The following ASS1 variants were observed in gnomAD, a reference collection of about 807,000 sequenced individuals.
ASS1 encodes argininosuccinate synthase.
A neutral mutation model predicts 60.5 loss-of-function variants in ASS1; 58 were observed. The observed-to-expected ratio is 0.96, with a 90% CI of 0.78 to 1.19. The LOEUF (loss-of-function observed/expected upper bound fraction) is 1.19. Among genes scored for constraint, ASS1 ranks in the 50% most tolerant of loss-of-function variants. The pLI is 0.00. For missense variants in ASS1, 454 were observed against 547.3 expected, an observed-to-expected ratio of 0.83 and a Z score of 1.70; for synonymous variants, 200 against 206.9, an observed-to-expected ratio of 0.97 and a Z score of 0.29.
chr9:130,471,612 T>C, intron 8 of ASS1, 97 bp downstream of exon 8: 2 of 1,467,240 alleles, frequency 1.4e-6, no homozygotes, highest in Non-Finnish European at 1.9e-6. Flanking sequence ...TAATTTGAAA[T>C]TTCACGGGGG....
At chr9:130,445,229 CGCGAGTCCCCGGGGG>C in intron 1 of ASS1, 1 of 21,576 alleles carries the variant, frequency 4.6e-5, no homozygotes, top group Non-Finnish European at 5.9e-5. Flanking sequence ...GCGGCGGGGG[CGCGAGTCCCCGGGGG>C]CGCGAGTCCC....
Position 130,489,002 on chromosome 9 carries a change from C to T in ASS1, c.839-331C>T, listed in dbSNP as rs1448549030. Among the ~76,000 whole-genome samples the T allele has an allele frequency of 6.6e-6, 1 of 152,194 alleles. No homozygotes were observed. The highest frequency in any genetic ancestry group is 1.5e-5 in the Non-Finnish European group (1 of 68,034). ...GGCTCTACCGTAGTCGCTTTAATTA[C>T]AGGCTTTCAACCTCGGGCCGGTGGG... is the stretch of plus-strand genomic sequence containing the variant. On this transcript the variant is annotated intron_variant, in intron 11 of 14. Transcript: ENST00000352480. This position sits in a 1 kb window ranked among gnomAD's most constrained non-coding sequence, Gnocchi z 4.1.
rs767417181 is a variant in ASS1 at position 130,480,380 on chromosome 9, C to T, written c.774-5C>T. 2 of 1,614,224 alleles carry T rather than the reference C, an allele frequency of 1.2e-6. No homozygotes were observed. Among genetic ancestry groups the T allele is most frequent in the South Asian group, 1.1e-5 (1 of 91,090 alleles). On this transcript the variant is annotated splice_region_variant and splice_polypyrimidine_tract_variant and intron_variant, in intron 10 of 14. Coordinates refer to ENST00000352480, the MANE Select transcript of ASS1 (RefSeq NM_054012.4). ...CCGAACCTAATGGACCAGTTCTTCC[C>T]ACAGGGGCAAGCATGGCGTGGGCCG... is the stretch of plus-strand genomic sequence containing the variant.
intron 5 of ASS1, chr9:130,466,524 G>A (rs1486970311): frequency 1.9e-5 from 12 of 632,324 alleles, no homozygotes; most frequent in Admixed American, 4.8e-5. Flanking sequence ...TGCAGGCTCC[G>A]TCCAGCCAGC....
At chr9:130,444,769 G>A (rs912709075), upstream of ASS1, among the ~76,000 whole-genome samples, 23 of 151,920 alleles carry the variant, frequency 1.5e-4, no homozygotes, top group African/African-American at 5.3e-4. This position sits in a 1 kb window ranked among gnomAD's most constrained non-coding sequence, Gnocchi z 4.7. Flanking sequence ...GTGGGAGGCG[G>A]GGGGAGGTGG....
chr9:130,465,056 A>ATATATATATATATTTTTTTTTTTTTT (rs1479147331), intron 5 of ASS1, among the ~76,000 whole-genome samples: 3 of 120,146 alleles, frequency 2.5e-5, no homozygotes, highest in African/African-American at 1.1e-4. Flanking sequence ...ATATATATAT[A>ATATATATATATATTTTTTTTTTTTTT]TTTTTTTTTT....
intron 11 of ASS1, among the ~76,000 whole-genome samples, chr9:130,484,760 C>G (rs1161046676): frequency 6.6e-6 from 1 of 151,682 alleles, no homozygotes; most frequent in Non-Finnish European, 1.5e-5. Flanking sequence ...TCATCTGTAC[C>G]CCCTACCCCT....
intron 8 of ASS1, among the ~76,000 whole-genome samples, chr9:130,473,246 C>T (rs1020845949): frequency 3.3e-5 from 5 of 152,198 alleles, no homozygotes; most frequent in Non-Finnish European, 7.3e-5. Context: ...GCCTCCAGTA[C>T]TCCTTGCCCA....
Position 130,459,883 on chromosome 9 carries a change from T to A in ASS1, c.363+1294T>A, listed in dbSNP as rs1017740578. Among the ~76,000 whole-genome samples the A allele has an allele frequency of 4.3e-4, 66 of 152,292 alleles. No individual in the cohort carries two copies. Among genetic ancestry groups the A allele is most frequent in the African/African-American group, 1.6e-3 (65 of 41,558 alleles). On this transcript the variant is annotated intron_variant, in intron 4 of 14. Coordinates refer to ENST00000352480, the MANE Select transcript of ASS1 (RefSeq NM_054012.4). The surrounding 1 kb of genome is among the most constrained non-coding windows in gnomAD (Gnocchi z 4.6). Reference sequence around the variant, plus strand: ...GTGTGTCCCAGTGCAGACTGCGGGGTCCCCGTGGGGTGCAAGACAGGAAGC... The same window carrying A: ...GTGTGTCCCAGTGCAGACTGCGGGGACCCCGTGGGGTGCAAGACAGGAAGC...
intron 3 of ASS1, among the ~76,000 whole-genome samples, chr9:130,457,887 G>T (rs144561857): frequency 5.3e-5 from 8 of 152,136 alleles, no homozygotes; most frequent in Admixed American, 5.2e-4. Context: ...GGCTGGCCGC[G>T]GTGGCTTGTG....
At chr9:130,498,793 TG>T (rs2118891562) in intron 13 of ASS1, among the ~76,000 whole-genome samples, 1 of 152,226 alleles carries the variant, frequency 6.6e-6, no homozygotes, top group African/African-American at 2.4e-5. Context: ...CTGGAGTGAC[TG>T]CCATGGTTAG....
intron 6 of ASS1, among the ~76,000 whole-genome samples, chr9:130,467,575 G>T (rs901885333): frequency 6.6e-6 from 1 of 152,140 alleles, no homozygotes. Flanking sequence ...CCCTGCCCCC[G>T]CCGCCAGCAA....
Position 130,476,641 on chromosome 9 carries a change from G to C in ASS1, c.598-230G>C. 1 of 600,008 alleles carries C rather than the reference G, an allele frequency of 1.7e-6. No individual in the cohort carries two copies. The highest frequency in any genetic ancestry group is 3.0e-6 in the Non-Finnish European group (1 of 336,056). 37.2% of individuals were successfully genotyped at this position (600,008 alleles called of 1,614,324 possible). Reference sequence around the variant, plus strand: ...GTGGGGGCGTCGAAGAAAAAGATGAGATCAAGTTGAGGGGAAAAATTGTCT... The same window carrying C: ...GTGGGGGCGTCGAAGAAAAAGATGACATCAAGTTGAGGGGAAAAATTGTCT... On this transcript the variant is annotated intron_variant, in intron 8 of 14. Coordinates refer to ENST00000352480, the MANE Select transcript of ASS1 (RefSeq NM_054012.4). This position sits in a 1 kb window ranked among gnomAD's most constrained non-coding sequence, Gnocchi z 4.9.
intron 14 of ASS1, 136 bp downstream of exon 14, chr9:130,499,706 C>A: frequency 1.2e-6 from 1 of 864,026 alleles, no homozygotes; most frequent in South Asian, 1.5e-5. Context: ...CTGCCCTAGA[C>A]AAACCCCACT....
rs200396223 is a variant in ASS1 at position 130,454,289 on chromosome 9, C to T, written c.106-16C>T. 1.9e-4 allele frequency: 302 copies of T among 1,607,556 alleles called. No individual in the cohort carries two copies. The African/African-American group carries it at 2.8e-3, about 15-fold the overall frequency. ...CCCCCAGGGGCTGACGGAGCCTCTC[C>T]GCTTCTGCTTCTCAGGCCAACATTG... On this transcript the variant is annotated splice_polypyrimidine_tract_variant and intron_variant, in intron 2 of 14. Coordinates refer to ENST00000352480, the MANE Select transcript of ASS1 (RefSeq NM_054012.4).
At position 130,470,157 on chromosome 9, in the gene ASS1, G is replaced by A. The variant is rs564242291; in HGVS notation, c.496-677G>A. On this transcript the variant is annotated intron_variant, in intron 6 of 14. Transcript: ENST00000352480. The surrounding 1 kb of genome is among the most constrained non-coding windows in gnomAD (Gnocchi z 4.3). ...GCTGAGTCAGGTGGGCCTTCCATGCGTGACCTGCAGCCCTCTTAGCCTGGG... is the reference window on the plus strand; with the variant it reads ...GCTGAGTCAGGTGGGCCTTCCATGCATGACCTGCAGCCCTCTTAGCCTGGG... 1.1e-4 allele frequency among the ~76,000 whole-genome samples: 16 copies of A among 152,292 alleles called. No individual in the cohort carries two copies. Among genetic ancestry groups the A allele is most frequent in the East Asian group, 1.9e-4 (1 of 5,184 alleles).
intron 12 of ASS1, among the ~76,000 whole-genome samples, chr9:130,492,370 C>T (rs1375792869): frequency 3.9e-5 from 6 of 152,158 alleles, no homozygotes; most frequent in Non-Finnish European, 8.8e-5. Context: ...TCCTCAGAGC[C>T]CTTGTGGTCT....
At chr9:130,454,914 C>G (rs1419018892) in intron 3 of ASS1, among the ~76,000 whole-genome samples, 3 of 151,328 alleles carry the variant, frequency 2.0e-5, no homozygotes, top group African/African-American at 7.3e-5. Context: ...ATCCACCCAT[C>G]CATTATCCAT....
intron 11 of ASS1, among the ~76,000 whole-genome samples, chr9:130,486,656 C>G (rs1196176982): frequency 6.6e-6 from 1 of 152,202 alleles, no homozygotes; most frequent in Non-Finnish European, 1.5e-5. Flanking sequence ...CAACTAGATT[C>G]AGACGGTGGA....
Sources: gnomAD v4.1 joint callset for allele counts (sites outside exome capture counted in the v4.1 genomes callset) on GRCh38, gnomAD v4.1.1 for gene constraint, Gnocchi (gnomAD v3.1) non-coding constraint, MANE v1.5 for transcripts, NCBI Gene and HGNC (gene_info 2026-07-23, HGNC 2026-07-21) for gene names.